The following NEK1 variants were observed in gnomAD, a reference collection of about 807,000 sequenced individuals.
The protein encoded by NEK1 is serine/threonine-protein kinase Nek1.
A neutral mutation model predicts 182.1 loss-of-function variants in NEK1; 137 were observed. The observed-to-expected ratio is 0.75, with a 90% confidence interval of 0.65 to 0.87. The LOEUF (loss-of-function observed/expected upper bound fraction) is 0.87. NEK1 is among the 40% of genes least tolerant of loss of function. The probability of loss-of-function intolerance (pLI) is 0.00; values close to 1 mark genes in which losing one functional copy is unlikely to be tolerated. For synonymous variants in NEK1, 513 were observed against 492.2 expected (o/e 1.04, Z -0.56); for missense variants, 1,391 against 1,494.4 (o/e 0.93, Z 1.14).
intron 31 of NEK1, among the ~76,000 whole-genome samples, chr4:169,407,192 G>A (rs1041244560): frequency 6.6e-6 from 1 of 152,100 alleles, no homozygotes; most frequent in Non-Finnish European, 1.5e-5. Flanking sequence ...CCGCTTTCAC[G>A]GTGTTTCTGC....
chr4:169,552,606 G>C (rs4296648), intron 18 of NEK1, among the ~76,000 whole-genome samples: 2 of 151,774 alleles, frequency 1.3e-5, no homozygotes, highest in Non-Finnish European at 1.5e-5. Flanking sequence ...ATAAGACAAG[G>C]AAAGAAAACA....
At chr4:169,559,963 C>G (rs531088313) in intron 16 of NEK1, among the ~76,000 whole-genome samples, 1 of 152,190 alleles carries the variant, frequency 6.6e-6, no homozygotes, top group South Asian at 2.1e-4. Context: ...GAGCTGAGAT[C>G]GTGCCATTGC....
At position 169,580,894 on chromosome 4, in the gene NEK1, T is replaced by C; in HGVS notation, c.816A>G (p.Ala272=). The C allele has an allele frequency of 1.3e-6, 2 of 1,518,846 alleles. No homozygotes were observed. The highest frequency in any genetic ancestry group is 2.5e-5 in the East Asian group (1 of 40,456). The allele number at this position is 1,518,846 out of a possible 1,614,324, so 94.1% of individuals were successfully genotyped here. A position where few individuals can be genotyped will look rare whatever the true frequency, so the allele number is the denominator to read the frequency against. The change falls in exon 11 of 36, where the codon GCA becomes GCG. Residue 272 remains alanine, a synonymous_variant. Coordinates refer to ENST00000507142, the MANE Select transcript of NEK1 (RefSeq NM_001199397.3). ...AAAATGTTTTTAGACAAAATTCTTC[T>C]GCAATAAGCTGAGATTGAAAGAGAA... ...IEKFLSPQLI[A]EEFCLKTFSK... is the part of the protein sequence containing the mutation.
At chr4:169,593,844 C>T (rs1457426891) in intron 5 of NEK1, among the ~76,000 whole-genome samples, 1 of 152,106 alleles carries the variant, frequency 6.6e-6, no homozygotes, top group East Asian at 1.9e-4. Flanking sequence ...AAAAAATTAG[C>T]CAGGCGTGAT....
At chr4:169,541,384 TATA>T (rs1032452479) in intron 18 of NEK1, among the ~76,000 whole-genome samples, 1 of 152,136 alleles carries the variant, frequency 6.6e-6, no homozygotes, top group African/African-American at 2.4e-5. Flanking sequence ...GGCTTGAGCT[TATA>T]ATATTAAAAA....
Position 169,549,351 on chromosome 4 carries a change from C to T in NEK1, c.1562+6369G>A, listed in dbSNP as rs145193365. Among the ~76,000 whole-genome samples the T allele has an allele frequency of 9.5e-3, 1,445 of 152,306 alleles. 20 individuals are homozygous for T. The highest frequency in any genetic ancestry group is 0.032 in the African/African-American group (1,349 of 41,570). On this transcript the variant is annotated intron_variant, in intron 18 of 35. Coordinates refer to ENST00000507142, the MANE Select transcript of NEK1 (RefSeq NM_001199397.3). ...CTCAGTTGGAAATGCAGGAATCACA[C>T]GCCTTCTGTGCCGATCTTGTTGGGA...
chr4:169,419,517 A>C (rs939230432), intron 31 of NEK1, among the ~76,000 whole-genome samples: 2 of 152,216 alleles, frequency 1.3e-5, no homozygotes, highest in African/African-American at 4.8e-5. Context: ...AAGATAAATG[A>C]ATGTTTAAGC....
chr4:169,548,598 G>A (rs1760913402), intron 18 of NEK1, among the ~76,000 whole-genome samples: 1 of 152,220 alleles, frequency 6.6e-6, no homozygotes, highest in South Asian at 2.1e-4. Flanking sequence ...CTCTGTCCCA[G>A]GGAGGTGGGG....
chr4:169,515,526 A>T (rs1339270358), intron 19 of NEK1, among the ~76,000 whole-genome samples: 1 of 147,034 alleles, frequency 6.8e-6, no homozygotes. Context: ...TTATACTCTA[A>T]GTTTTAGGGT....
At chr4:169,532,179 C>T (rs947866794) in intron 19 of NEK1, among the ~76,000 whole-genome samples, 2 of 151,992 alleles carry the variant, frequency 1.3e-5, no homozygotes, top group Admixed American at 1.3e-4. Flanking sequence ...GTGGCGGCTA[C>T]GTAACTATAT....
At chr4:169,468,803 T>C (rs1475199930) in intron 26 of NEK1, among the ~76,000 whole-genome samples, 1 of 152,210 alleles carries the variant, frequency 6.6e-6, no homozygotes, top group Non-Finnish European at 1.5e-5. Flanking sequence ...AACTTGTTAT[T>C]GGTCTATTTT....
At chr4:169,596,058 C>A (rs1028356776) in intron 5 of NEK1, among the ~76,000 whole-genome samples, 16 of 151,994 alleles carry the variant, frequency 1.1e-4, no homozygotes, top group Non-Finnish European at 2.2e-4. Flanking sequence ...CAACCAGGGA[C>A]CTTGGCATAT....
At chr4:169,569,079 G>A (rs1243600400) in intron 12 of NEK1, among the ~76,000 whole-genome samples, 3 of 151,976 alleles carry the variant, frequency 2.0e-5, no homozygotes, top group Admixed American at 1.3e-4. Context: ...AAAAGTTATA[G>A]CAAGTTTATT....
At chr4:169,488,479 C>T (rs957357138) in intron 23 of NEK1, among the ~76,000 whole-genome samples, 3 of 152,068 alleles carry the variant, frequency 2.0e-5, no homozygotes, top group Admixed American at 6.6e-5. Flanking sequence ...AGATCAGTTC[C>T]GTGTAGGTAT....
intron 19 of NEK1, among the ~76,000 whole-genome samples, chr4:169,529,550 T>C (rs1047226666): frequency 6.6e-6 from 1 of 152,142 alleles, no homozygotes; most frequent in African/African-American, 2.4e-5. Context: ...ACGAAAAGCA[T>C]GATCCAAACA....
At chr4:169,411,332 T>C (rs1017719001) in intron 31 of NEK1, among the ~76,000 whole-genome samples, 5 of 151,790 alleles carry the variant, frequency 3.3e-5, no homozygotes, top group Admixed American at 1.3e-4. Flanking sequence ...GACTGACTTA[T>C]ATTTTATTTT....
chr4:169,436,726 T>A (rs542469611), intron 28 of NEK1, among the ~76,000 whole-genome samples: 1 of 152,146 alleles, frequency 6.6e-6, no homozygotes, highest in Non-Finnish European at 1.5e-5. Context: ...GACAGTAGGG[T>A]GTGGCCTCAG....
In NEK1 at chr4:169,405,964, C is replaced by T. The variant is rs148473792; in HGVS notation, c.3374+632G>A. ...ACCAAAAATACAAAAATTAGCCAGG[C>T]GTGGTGGCAAGTAATCTCAGCTACT... On this transcript the variant is annotated intron_variant, in intron 32 of 35. Transcript: ENST00000507142. Among the ~76,000 whole-genome samples, 540 of 151,928 alleles carry T rather than the reference C, an allele frequency of 3.6e-3. 4 individuals are homozygous for T. The highest frequency in any genetic ancestry group is 4.9e-3 in the Non-Finnish European group (336 of 67,954).
intron 31 of NEK1, among the ~76,000 whole-genome samples, chr4:169,407,407 T>C (rs1048215731): frequency 1.3e-5 from 2 of 152,172 alleles, no homozygotes; most frequent in African/African-American, 4.8e-5. Flanking sequence ...CTATCAGTGC[T>C]TCCCTGACCA....
Sources: allele counts gnomAD v4.1 joint callset (sites outside exome capture counted in the v4.1 genomes callset), GRCh38; gene constraint gnomAD v4.1.1; transcripts MANE v1.5; gene names NCBI Gene and HGNC (gene_info 2026-07-23, HGNC 2026-07-21).